SH2B1: variants seen among roughly 807,000 people sequenced by gnomAD.
The protein encoded by SH2B1 is SH2B adaptor protein 1, also known as SH2B adapter protein 1.
Under a neutral mutation model 62.6 loss-of-function variants are expected in SH2B1, and 15 were observed. The observed-to-expected ratio is 0.24, with a 90% CI of 0.16 to 0.37. The LOEUF is 0.37. Ranked by LOEUF, SH2B1 falls within the 10% of genes least tolerant of loss-of-function variation. The pLI, the probability that SH2B1 is intolerant of heterozygous loss-of-function variation, is 1.00. For synonymous variants in SH2B1, 443 were observed against 438.0 expected (o/e 1.01, Z -0.14); for missense variants, 925 against 1,015.6 (o/e 0.91, Z 1.21).
At chr16:28,859,369 A>G (rs1477721379), upstream of SH2B1, among the ~76,000 whole-genome samples, 1 of 152,202 alleles carries the variant, frequency 6.6e-6, no homozygotes, top group East Asian at 1.9e-4. Context: ...CCCAACAGAT[A>G]AATTCCTTAT....
intron 1 of SH2B1, among the ~76,000 whole-genome samples, chr16:28,847,451 C>T (rs1300862553): frequency 6.6e-6 from 1 of 152,032 alleles, no homozygotes; most frequent in East Asian, 1.9e-4. Context: ...CTAATTCCTC[C>T]CCTGGAGGTT....
chr16:28,855,740 T>C (rs147684209), intron 1 of SH2B1, among the ~76,000 whole-genome samples: 50,001 of 148,486 alleles, frequency 0.34, 9,069 homozygotes, highest in Admixed American at 0.4. Flanking sequence ...CCTGGGTTCA[T>C]GCCATTCTCC....
In SH2B1 at chr16:28,864,451, C is replaced by T; in HGVS notation, c.-1644C>T. The T allele has an allele frequency of 2.0e-6, 2 of 986,226 alleles. No homozygotes were observed. The highest frequency in any genetic ancestry group is 2.4e-6 in the Non-Finnish European group (2 of 830,412). The allele number at this position is 986,226 out of a possible 1,614,324, so 61.1% of individuals were successfully genotyped here. A position where few individuals can be genotyped will look rare whatever the true frequency, so the allele number is the denominator to read the frequency against. ...TTGGTTTGCACTTCTTGGCTGGGTT[C>T]CCCCGTGCTCCATGACTCCTGCATC... On this transcript the variant is annotated 5_prime_UTR_variant, in exon 1 of 8. Coordinates refer to ENST00000684370, the MANE Select transcript of SH2B1 (RefSeq NM_001387430.1).
At chr16:28,852,493 CATAT>C (rs202090458) in intron 1 of SH2B1, among the ~76,000 whole-genome samples, 2 of 10,858 alleles carry the variant, frequency 1.8e-4, no homozygotes, top group Admixed American at 1.6e-3. Flanking sequence ...TATATACATA[CATAT>C]ATTTATATAT....
Position 28,866,826 on chromosome 16 carries a change from A to G in SH2B1, c.732A>G (p.Ala244=). Residue 244 remains alanine (A), a synonymous_variant, in exon 1 of 8, where the codon GCA becomes GCG. Transcript: ENST00000684370. The surrounding 1 kb of genome is among the most constrained non-coding windows in gnomAD (Gnocchi z 6.3). ...GAGGGGGCGCCTTGAAGGATGGAGC[A>G]GGGATGGTGCAGAGGGAAGAGCTGC... The part of the protein sequence containing the change: ...SRGGGALKDG[A]GMVQREELLS... The G allele has an allele frequency of 1.3e-6, 2 of 1,595,216 alleles. No homozygotes were observed. Among genetic ancestry groups the G allele is most frequent in the South Asian group, 2.3e-5 (2 of 87,544 alleles).
chr16:28,852,275 C>CATATATATATTTACAT (rs1567458138), intron 1 of SH2B1, among the ~76,000 whole-genome samples: 1 of 47,838 alleles, frequency 2.1e-5, no homozygotes, highest in Non-Finnish European at 4.2e-5. Context: ...TATATATTTA[C>CATATATATATTTACAT]ATATATATAT....
In SH2B1 at chr16:28,852,466, A is replaced by ATT. The variant is rs1263287138; in HGVS notation, c.-301+5640_-301+5641insTT. 1.1e-4 allele frequency among the ~76,000 whole-genome samples: 10 copies of ATT among 89,126 alleles called. 3 individuals are homozygous for ATT. The highest frequency in any genetic ancestry group is 1.9e-4 in the Non-Finnish European group (10 of 53,566). The allele number at this position is 89,126 out of a possible 152,430, so 58.5% of individuals were successfully genotyped here. On this transcript the variant is annotated intron_variant, in intron 1 of 10. Coordinates refer to the SH2B1 transcript ENST00000322610. ...TATATATTTACATATATATTTATAT[A>ATT]TATACATATATATTTATATATACAT...
chr16:28,848,743 C>T (rs1356640073), intron 1 of SH2B1, among the ~76,000 whole-genome samples: 1 of 147,856 alleles, frequency 6.8e-6, no homozygotes, highest in Non-Finnish European at 1.5e-5. Context: ...ACGATCTCGG[C>T]TCACTGCAAC....
At position 28,866,516 on chromosome 16, in the gene SH2B1, C is replaced by T. The variant is rs745581801; in HGVS notation, c.422C>T (p.Ser141Phe). ...CTCCCTTCCTCAGTCTCTTCCTCCTCTACAACCTCCTCCAAGCCGAAGCTC... is the reference window on the plus strand; with the variant it reads ...CTCCCTTCCTCAGTCTCTTCCTCCTTTACAACCTCCTCCAAGCCGAAGCTC... ...GPLPSSVSSS[S>F]TTSSKPKLKK... is the part of the protein sequence containing the mutation. Residue 141 changes from serine to phenylalanine, a missense_variant, in exon 1 of 8, where the codon TCT becomes TTT. Ser to Phe is a radical substitution (Grantham distance 155, BLOSUM62 -2). This residue lies in a region of SH2B1 where 683 missense variants were observed against 704.0 expected (regional missense o/e 0.97). Coordinates refer to ENST00000684370, the MANE Select transcript of SH2B1 (RefSeq NM_001387430.1). This position sits in a 1 kb window ranked among gnomAD's most constrained non-coding sequence, Gnocchi z 6.3. 4.2e-5 allele frequency: 67 copies of T among 1,614,144 alleles called. No individual in the cohort carries two copies. The South Asian group carries it at 6.7e-4, about 16-fold the overall frequency.
At chr16:28,852,783 T>G (rs1247834200) in intron 1 of SH2B1, among the ~76,000 whole-genome samples, 1 of 43,820 alleles carries the variant, frequency 2.3e-5, no homozygotes, top group Non-Finnish European at 4.7e-5. Flanking sequence ...TATATATATT[T>G]ACATATATAT....
intron 1 of SH2B1, among the ~76,000 whole-genome samples, chr16:28,852,196 T>TTATATATTTACATATATATTTACATA (rs1962115516): frequency 2.4e-5 from 2 of 82,922 alleles, no homozygotes; most frequent in African/African-American, 1.1e-4. Context: ...ATATTTTTAT[T>TTATATATTTACATATATATTTACATA]TATATATTTA....
Position 28,872,570 on chromosome 16 carries a change from C to A in SH2B1, c.1762C>A (p.Arg588=). 2 of 1,613,866 alleles carry A rather than the reference C, an allele frequency of 1.2e-6. No individual in the cohort carries two copies. The highest frequency in any genetic ancestry group is 1.7e-6 in the Non-Finnish European group (2 of 1,179,792). ...GTCGCTGAACGAGGAGGGTCAGTGC[C>A]GGGTCCAGCACCTGTGGTTCCAGTC... is the stretch of plus-strand genomic sequence containing the variant. ...RLSLNEEGQC[R]VQHLWFQSIF... Residue 588 remains arginine (R), a synonymous_variant, in exon 7 of 8, where the codon CGG becomes AGG. Transcript: ENST00000684370. This position sits in a 1 kb window ranked among gnomAD's most constrained non-coding sequence, Gnocchi z 5.3.
At chr16:28,867,549 A>G in intron 2 of SH2B1, 117 bp downstream of exon 2, 1 of 753,600 alleles carries the variant, frequency 1.3e-6, no homozygotes, top group South Asian at 1.5e-5. Flanking sequence ...GTGCCTTGAG[A>G]GTGTGTCCCT....
chr16:28,860,076 C>T (rs1962408760), upstream of SH2B1, among the ~76,000 whole-genome samples: 1 of 152,090 alleles, frequency 6.6e-6, no homozygotes, highest in South Asian at 2.1e-4. Context: ...ACCATCCTCT[C>T]TACTGATTCC....
In SH2B1 at chr16:28,871,827, A is replaced by G. The variant is rs750925782; in HGVS notation, c.1357A>G (p.Ser453Gly). 4 of 1,612,032 alleles carry G rather than the reference A, an allele frequency of 2.5e-6. No individual in the cohort carries two copies. In the South Asian group the frequency reaches 4.4e-5, roughly 18 times the overall value. Residue 453 changes from serine to glycine, a missense_variant, in exon 5 of 8, where the codon AGC becomes GGC. Physicochemically the swap from Ser to Gly is moderately conservative, Grantham distance 56 (BLOSUM62 0). This residue lies in a region of SH2B1 where 683 missense variants were observed against 704.0 expected (regional missense o/e 0.97). Coordinates refer to ENST00000684370, the MANE Select transcript of SH2B1 (RefSeq NM_001387430.1). Reference protein sequence around the residue: ...SDRPSASISPSSASIAASHFD... With the variant: ...SDRPSASISPGSASIAASHFD... ...CCGCCCCTCGGCATCCATCTCCCCCAGCTCTGCCTCCATTGCCGCCTCCCA... is the reference window on the plus strand; with the variant it reads ...CCGCCCCTCGGCATCCATCTCCCCCGGCTCTGCCTCCATTGCCGCCTCCCA...
chr16:28,859,868 A>ACCC (rs35947134), upstream of SH2B1, among the ~76,000 whole-genome samples: 9 of 75,516 alleles, frequency 1.2e-4, no homozygotes, highest in Non-Finnish European at 1.7e-4. Flanking sequence ...AAACCAATAG[A>ACCC]CCCCCCCCCC....
upstream of SH2B1, chr16:28,862,077 G>A (rs4788102): frequency 0.34 from 51,802 of 151,972 alleles, 9,507 homozygotes; most frequent in Admixed American, 0.41. Flanking sequence ...TGGACTTTTC[G>A]ATTACTTGGG....
chr16:28,855,518 G>A (rs1962300253), intron 1 of SH2B1, among the ~76,000 whole-genome samples: 1 of 152,054 alleles, frequency 6.6e-6, no homozygotes, highest in African/African-American at 2.4e-5. Flanking sequence ...ACCGCGCCCG[G>A]CCCCCATGAT....
Position 28,873,960 on chromosome 16 carries a change from C to A in SH2B1, c.*140C>A. On this transcript the variant is annotated 3_prime_UTR_variant, in exon 8 of 8. Transcript: ENST00000684370. This position sits in a 1 kb window ranked among gnomAD's most constrained non-coding sequence, Gnocchi z 4.2. ...CCAAGGGCATCTTTGATGGTACAAG[C>A]AGAGGCTCGGGAGAGGCTCCCGTCA... The A allele has an allele frequency of 1.2e-6, 1 of 849,008 alleles. No homozygotes were observed. The highest frequency in any genetic ancestry group is 1.6e-6 in the Non-Finnish European group (1 of 620,712). The allele number at this position is 849,008 out of a possible 1,614,324, so 52.6% of individuals were successfully genotyped here. A position where few individuals can be genotyped will look rare whatever the true frequency, so the allele number is the denominator to read the frequency against.
Sources: gnomAD v4.1 joint callset for allele counts (sites outside exome capture counted in the v4.1 genomes callset) on GRCh38, gnomAD v4.1.1 for gene constraint, gnomAD v4.1.1 regional missense constraint, Gnocchi (gnomAD v3.1) non-coding constraint, MANE v1.5 for transcripts, NCBI Gene and HGNC (gene_info 2026-07-23, HGNC 2026-07-21) for gene names.